SAMD5: variants seen among roughly 807,000 people sequenced by gnomAD.
SAMD5 encodes the protein sterile alpha motif domain containing 5, also known as sterile alpha motif domain-containing protein 5.
In SAMD5, 13 loss-of-function variants were observed where a neutral mutation model predicts 11.3. That is an observed-to-expected ratio of 1.15 (90% CI 0.75 to 1.83). The LOEUF (loss-of-function observed/expected upper bound fraction) is 1.83. SAMD5 is among the 40% of genes most tolerant of loss of function. The probability of loss-of-function intolerance (pLI) is 0.00; values close to 1 mark genes in which losing one functional copy is unlikely to be tolerated. For synonymous variants in SAMD5, 129 were observed against 111.3 expected, an observed-to-expected ratio of 1.16 and a Z score of -1.00; for missense variants, 255 against 239.1, an observed-to-expected ratio of 1.07 and a Z score of -0.44.
At chr6:147,817,032 A>AC in the SAMD5 span, among the ~76,000 whole-genome samples, 1 of 151,778 alleles carries the variant, frequency 6.6e-6, no homozygotes, top group Non-Finnish European at 1.5e-5. Flanking sequence ...TAAAATGGAG[A>AC]CCCCGCCTGG....
intron 1 of SAMD5, among the ~76,000 whole-genome samples, chr6:147,580,473 G>A (rs1789281083): frequency 6.6e-6 from 1 of 152,030 alleles, no homozygotes; most frequent in Admixed American, 6.6e-5. Context: ...TCTCATTTCT[G>A]TAATTATATT....
chr6:147,681,575 T>C (rs1310899773), intron 1 of SAMD5, among the ~76,000 whole-genome samples: 1 of 152,220 alleles, frequency 6.6e-6, no homozygotes, highest in Non-Finnish European at 1.5e-5. Flanking sequence ...TTTTCTTGCT[T>C]CTTTACATGC....
At chr6:147,874,563 G>T in the SAMD5 span, among the ~76,000 whole-genome samples, 1 of 151,598 alleles carries the variant, frequency 6.6e-6, no homozygotes, top group Non-Finnish European at 1.5e-5. Flanking sequence ...ATTTGGCCGA[G>T]TAGTCATTGC....
chr6:147,652,705 A>C (rs1944803), intron 1 of SAMD5, among the ~76,000 whole-genome samples: 62,495 of 151,952 alleles, frequency 0.41, 14,816 homozygotes, highest in Middle Eastern at 0.54. Context: ...CAACTCTAAC[A>C]GTTTATTATC....
At chr6:147,918,760 T>A in the SAMD5 span, among the ~76,000 whole-genome samples, 2 of 145,818 alleles carry the variant, frequency 1.4e-5, no homozygotes, top group African/African-American at 5.1e-5. Context: ...TGCAGTGGCG[T>A]GATCTCGGCT....
the SAMD5 span, among the ~76,000 whole-genome samples, chr6:147,912,555 AGTCC>A: frequency 6.6e-6 from 1 of 152,236 alleles, no homozygotes; most frequent in South Asian, 2.1e-4. Flanking sequence ...TCAATCTAGC[AGTCC>A]ACCTTTTAGG....
chr6:147,566,017 T>C lies in SAMD5; in HGVS notation c.*1561T>C. 1 of 985,374 alleles carries C rather than the reference T, an allele frequency of 1.0e-6. No individual in the cohort carries two copies. The highest frequency in any genetic ancestry group is 1.2e-6 in the Non-Finnish European group (1 of 829,884). The allele number at this position is 985,374 out of a possible 1,614,324, so 61.0% of individuals were successfully genotyped here. On this transcript the variant is annotated 3_prime_UTR_variant, in exon 2 of 2. Transcript: ENST00000367474. The stretch of plus-strand genomic sequence containing the variant: ...AAGGAAAAGAAACTTACATTCACTT[T>C]TTCCTGGTCCATTTTGGTTCCTAAG...
At chr6:147,870,837 A>AG in the SAMD5 span, among the ~76,000 whole-genome samples, 3 of 149,176 alleles carry the variant, frequency 2.0e-5, no homozygotes, top group Non-Finnish European at 4.5e-5. Context: ...GGAGGGAGGG[A>AG]GGAAGGAAGG....
chr6:147,540,846 G>A (rs1449166948), intron 1 of SAMD5, among the ~76,000 whole-genome samples: 1 of 151,508 alleles, frequency 6.6e-6, no homozygotes, highest in Non-Finnish European at 1.5e-5. Flanking sequence ...AGGTTTCCGG[G>A]CTCCCTTTCT....
chr6:147,657,382 G>C (rs1329562737), intron 1 of SAMD5, among the ~76,000 whole-genome samples: 1 of 152,106 alleles, frequency 6.6e-6, no homozygotes, highest in African/African-American at 2.4e-5. Context: ...GGAGGGTAGA[G>C]AGCTTGGTCT....
Position 147,508,994 on chromosome 6 carries a change from C to A in SAMD5, c.66C>A (p.Phe22Leu). 3 of 1,602,722 alleles carry A rather than the reference C, an allele frequency of 1.9e-6. No homozygotes were observed. The highest frequency in any genetic ancestry group is 1.1e-5 in the South Asian group (1 of 89,182). ...ALQLPQYAES[F>L]VDNGYDDLEV... Reference sequence around the variant, plus strand: ...AGCTTCCGCAGTACGCGGAGTCCTTCGTGGATAACGGCTACGATGACCTGG... The same window carrying A: ...AGCTTCCGCAGTACGCGGAGTCCTTAGTGGATAACGGCTACGATGACCTGG... Residue 22 changes from phenylalanine to leucine, a missense_variant, in exon 1 of 2, where the codon TTC (phenylalanine) becomes TTA (leucine). Coordinates refer to ENST00000367474, the MANE Select transcript of SAMD5 (RefSeq NM_001030060.3).
At chr6:147,729,358 C>G (rs1298352252) in intron 1 of SAMD5, among the ~76,000 whole-genome samples, 3 of 152,180 alleles carry the variant, frequency 2.0e-5, no homozygotes, top group African/African-American at 7.2e-5. Flanking sequence ...ATTTTCACTA[C>G]TGTCTAAGAC....
At chr6:147,650,614 G>A (rs79808625) in intron 1 of SAMD5, among the ~76,000 whole-genome samples, 1 of 152,202 alleles carries the variant, frequency 6.6e-6, no homozygotes, top group African/African-American at 2.4e-5. Context: ...GGTGTTACTC[G>A]TGGAAAAGAT....
intron 1 of SAMD5, among the ~76,000 whole-genome samples, chr6:147,589,526 A>G (rs1789423906): frequency 6.6e-6 from 1 of 152,052 alleles, no homozygotes; most frequent in African/African-American, 2.4e-5. Flanking sequence ...TGTCTTTGTG[A>G]TCCTGAGCAG....
intron 1 of SAMD5, among the ~76,000 whole-genome samples, chr6:147,632,465 T>C (rs1290361557): frequency 6.6e-6 from 1 of 151,950 alleles, no homozygotes; most frequent in East Asian, 1.9e-4. Context: ...AGTATATGAG[T>C]CAGGTGTGAG....
chr6:147,798,509 A>G, the SAMD5 span, among the ~76,000 whole-genome samples: 1 of 150,604 alleles, frequency 6.6e-6, no homozygotes, highest in East Asian at 1.9e-4. Context: ...ATTTTGGAAT[A>G]GGTGTGGTGT....
At chr6:147,892,369 A>G in the SAMD5 span, among the ~76,000 whole-genome samples, 5 of 152,178 alleles carry the variant, frequency 3.3e-5, no homozygotes, top group African/African-American at 1.2e-4. Context: ...ACTGATTGTG[A>G]ATTTCTTGCT....
intron 1 of SAMD5, among the ~76,000 whole-genome samples, chr6:147,647,810 G>A (rs947183409): frequency 7.2e-5 from 11 of 152,138 alleles, no homozygotes; most frequent in Non-Finnish European, 1.2e-4. Context: ...GAGAGGCATC[G>A]CTCACTGAAT....
chr6:147,574,484 G>A (rs917432644), downstream of SAMD5, among the ~76,000 whole-genome samples: 1 of 152,224 alleles, frequency 6.6e-6, no homozygotes, highest in Non-Finnish European at 1.5e-5. Context: ...AAGCAGGACA[G>A]TAGAAGATTG....
Sources: gnomAD v4.1 joint callset for allele counts (sites outside exome capture counted in the v4.1 genomes callset) on GRCh38, gnomAD v4.1.1 for gene constraint, MANE v1.5 for transcripts, NCBI Gene and HGNC (gene_info 2026-07-23, HGNC 2026-07-21) for gene names.